LMBR1: variants seen among roughly 807,000 people sequenced by gnomAD.
LMBR1 encodes limb region 1 protein homolog.
A neutral mutation model predicts 73.9 loss-of-function variants in LMBR1; 52 were observed. The observed-to-expected ratio is 0.70, with a 90% CI of 0.56 to 0.89. The LOEUF (loss-of-function observed/expected upper bound fraction) is 0.89, where lower values mean the gene tolerates loss of function less well. Ranked by LOEUF, LMBR1 falls within the 40% of genes least tolerant of loss-of-function variation. LMBR1 has a pLI of 0.00. For synonymous variants in LMBR1, 215 were observed against 209.4 expected (o/e 1.03, Z -0.23); for missense variants, 539 against 579.8 (o/e 0.93, Z 0.72).
intron 4 of LMBR1, among the ~76,000 whole-genome samples, chr7:156,806,672 C>T (rs1221705843): frequency 8.1e-6 from 1 of 124,094 alleles, no homozygotes; most frequent in Non-Finnish European, 1.6e-5. Flanking sequence ...TGCAGTGGTG[C>T]GATTTCTCAG....
chr7:156,863,426 C>T (rs996082594), intron 1 of LMBR1, among the ~76,000 whole-genome samples: 7 of 152,034 alleles, frequency 4.6e-5, no homozygotes, highest in Non-Finnish European at 8.8e-5. Context: ...GTGGGTCTGC[C>T]TTCCCAGCCC....
At chr7:156,844,334 A>T (rs1839237577) in intron 1 of LMBR1, among the ~76,000 whole-genome samples, 1 of 152,140 alleles carries the variant, frequency 6.6e-6, no homozygotes, top group African/African-American at 2.4e-5. Context: ...ACACAAAAAA[A>T]AGCTACACAC....
intron 15 of LMBR1, among the ~76,000 whole-genome samples, chr7:156,717,110 T>G (rs1335294138): frequency 6.6e-6 from 1 of 152,140 alleles, no homozygotes; most frequent in East Asian, 1.9e-4. Flanking sequence ...GCCAATGCAC[T>G]CCAGCCTGGA....
At chr7:156,675,063 C>G (rs1435981303), downstream of LMBR1, among the ~76,000 whole-genome samples, 1 of 152,298 alleles carries the variant, frequency 6.6e-6, no homozygotes, top group East Asian at 1.9e-4. Flanking sequence ...TTAGTAAGTC[C>G]CATGTGGTAT....
intron 15 of LMBR1, among the ~76,000 whole-genome samples, chr7:156,709,308 CA>C (rs1388827895): frequency 6.6e-6 from 1 of 152,216 alleles, no homozygotes; most frequent in African/African-American, 2.4e-5. Context: ...AAGGAGAAAA[CA>C]AAAGCTAATT....
intron 13 of LMBR1, 83 bp downstream of exon 13, chr7:156,725,681 G>A (rs1373205260): frequency 7.5e-6 from 10 of 1,340,888 alleles, no homozygotes; most frequent in Admixed American, 2.0e-5. Context: ...TTCTAGACAA[G>A]TGTCTTAGTA....
intron 1 of LMBR1, among the ~76,000 whole-genome samples, chr7:156,856,576 T>C (rs994133756): frequency 1.3e-5 from 2 of 151,606 alleles, no homozygotes; most frequent in Non-Finnish European, 2.9e-5. Flanking sequence ...CAAAAATTGG[T>C]TGGGCATGGT....
At chr7:156,723,736 A>G (rs1045075606) in intron 15 of LMBR1, among the ~76,000 whole-genome samples, 1 of 152,082 alleles carries the variant, frequency 6.6e-6, no homozygotes, top group Non-Finnish European at 1.5e-5. Context: ...CAAATTTTCA[A>G]TTTTTTAAAC....
intron 9 of LMBR1, among the ~76,000 whole-genome samples, chr7:156,751,502 G>A (rs1820867856): frequency 6.6e-6 from 1 of 152,172 alleles, no homozygotes; most frequent in African/African-American, 2.4e-5. Context: ...CATCATCTGA[G>A]GACTTGGAGC....
At chr7:156,804,246 C>G (rs1390318292) in intron 4 of LMBR1, among the ~76,000 whole-genome samples, 1 of 152,182 alleles carries the variant, frequency 6.6e-6, no homozygotes, top group Non-Finnish European at 1.5e-5. Context: ...TTATCTAGCA[C>G]AACTATTTTG....
intron 5 of LMBR1, among the ~76,000 whole-genome samples, chr7:156,784,160 T>C (rs1447083204): frequency 6.6e-6 from 1 of 152,176 alleles, no homozygotes. Flanking sequence ...CTAGATAATA[T>C]ATTAAAAGTC....
Position 156,826,698 on chromosome 7 carries a change from A to G in LMBR1, c.226T>C (p.Leu76=), listed in dbSNP as rs763326527. The change falls in exon 4 of 17, where the codon TTG becomes CTG. Residue 76 remains leucine, a synonymous_variant. Coordinates refer to ENST00000353442, the MANE Select transcript of LMBR1 (RefSeq NM_022458.4). Reference sequence around the variant, plus strand: ...CTGATGATTGAGAAGGGTAAAAGCAAAACAGCCCCAGCTGACACTGCGAGA... The same window carrying G: ...CTGATGATTGAGAAGGGTAAAAGCAGAACAGCCCCAGCTGACACTGCGAGA... The part of the protein sequence containing the change: ...FTLAVSAGAV[L]LLPFSIISNE... The G allele has an allele frequency of 1.9e-6, 3 of 1,612,040 alleles. No individual in the cohort carries two copies. The highest frequency in any genetic ancestry group is 1.7e-4 in the Middle Eastern group (1 of 6,054).
chr7:156,804,503 A>AG (rs1187117931), intron 4 of LMBR1, among the ~76,000 whole-genome samples: 1 of 152,228 alleles, frequency 6.6e-6, no homozygotes, highest in Non-Finnish European at 1.5e-5. Context: ...GCAGAGATCA[A>AG]GTTCATCCAC....
chr7:156,725,973 G>T, intron 12 of LMBR1, 136 bp from the exon 13 acceptor site: 1 of 629,940 alleles, frequency 1.6e-6, no homozygotes, highest in South Asian at 2.3e-5. Context: ...GACTTTCAAA[G>T]GCCAACAAGA....
chr7:156,672,530 T>C (rs1383634635), intron 4 of LMBR1, among the ~76,000 whole-genome samples: 1 of 152,158 alleles, frequency 6.6e-6, no homozygotes, highest in Non-Finnish European at 1.5e-5. Flanking sequence ...TCTAAAGTGT[T>C]TGAAGGAAAA....
At chr7:156,792,756 A>G (rs1033766161) in intron 5 of LMBR1, among the ~76,000 whole-genome samples, 3 of 152,238 alleles carry the variant, frequency 2.0e-5, no homozygotes, top group African/African-American at 4.8e-5. Flanking sequence ...GCATCCGCCC[A>G]TGGCCAGTGG....
intron 1 of LMBR1, among the ~76,000 whole-genome samples, chr7:156,867,829 T>C (rs939188406): frequency 6.6e-6 from 1 of 152,168 alleles, no homozygotes; most frequent in African/African-American, 2.4e-5. Context: ...TCTGAGATAA[T>C]GAAAATGTTC....
chr7:156,814,883 G>A (rs191842860), intron 4 of LMBR1, among the ~76,000 whole-genome samples: 178 of 152,240 alleles, frequency 1.2e-3, no homozygotes, highest in African/African-American at 4.1e-3. Flanking sequence ...AAGGCCAAGC[G>A]CGGTGGTTCA....
intron 8 of LMBR1, among the ~76,000 whole-genome samples, chr7:156,757,579 T>C (rs1194581121): frequency 6.6e-6 from 1 of 152,220 alleles, no homozygotes; most frequent in Non-Finnish European, 1.5e-5. Context: ...TCTTCGTAGC[T>C]GTAGGGCAAA....
Sources: gnomAD v4.1 joint callset for allele counts (sites outside exome capture counted in the v4.1 genomes callset) on GRCh38, gnomAD v4.1.1 for gene constraint, MANE v1.5 for transcripts, NCBI Gene and HGNC (gene_info 2026-07-23, HGNC 2026-07-21) for gene names.